Variants in PHLDB2 observed in about 807,000 individuals in gnomAD.
PHLDB2 encodes the protein pleckstrin homology like domain family B member 2, also known as pleckstrin homology-like domain family B member 2.
PHLDB2 carries 71 observed loss-of-function variants against 123.6 expected under a neutral mutation model. The observed-to-expected ratio is 0.57, with a 90% CI of 0.47 to 0.70. The LOEUF is 0.70. PHLDB2 is among the 30% of genes least tolerant of loss of function. The pLI is 0.00. For missense variants in PHLDB2, 1,446 were observed against 1,519.5 expected (o/e 0.95, Z 0.80); for synonymous variants, 547 against 541.6 (o/e 1.01, Z -0.14).
chr3:111,885,646 C>T (rs913917639), intron 2 of PHLDB2: 14 of 700,732 alleles, frequency 2.0e-5, no homozygotes, highest in Admixed American at 4.2e-5. Context: ...AGTTGCTCTG[C>T]GGACTTCTCA....
chr3:111,894,756 G>T (rs1401019029), intron 2 of PHLDB2, among the ~76,000 whole-genome samples: 2 of 151,846 alleles, frequency 1.3e-5, no homozygotes, highest in Non-Finnish European at 2.9e-5. Flanking sequence ...TTTTGATAGG[G>T]TTGTTTTTTT....
At chr3:111,736,790 T>C (rs764592832) in intron 1 of PHLDB2, among the ~76,000 whole-genome samples, 1 of 152,174 alleles carries the variant, frequency 6.6e-6, no homozygotes, top group Non-Finnish European at 1.5e-5. Context: ...TGAAAATAAA[T>C]ACATTAATTG....
chr3:111,969,750 G>A lies in PHLDB2; in HGVS notation c.3376G>A (p.Val1126Ile), dbSNP rs1366950099. 2 of 1,614,066 alleles carry A rather than the reference G, an allele frequency of 1.2e-6. No homozygotes were observed. The highest frequency in any genetic ancestry group is 4.5e-5 in the East Asian group (2 of 44,882). ...GGAAGACTTTGATTTGCGGAGCCAT[G>A]TAGAGACTGCTGGCCACAATATTGA... is the stretch of plus-strand genomic sequence containing the variant. ...RKEDFDLRSH[V>I]ETAGHNIDTC... The change falls in exon 16 of 18, where the codon GTA (valine) becomes ATA (isoleucine). Residue 1126 changes from valine to isoleucine, a missense_variant. Coordinates refer to ENST00000431670, the MANE Select transcript of PHLDB2 (RefSeq NM_001134438.2).
chr3:111,812,728 G>A (rs1384648532), intron 1 of PHLDB2, among the ~76,000 whole-genome samples: 2 of 152,160 alleles, frequency 1.3e-5, no homozygotes, highest in African/African-American at 4.8e-5. Flanking sequence ...AATACCACTA[G>A]CCTTTGACTT....
chr3:111,813,031 G>T (rs568211460), intron 1 of PHLDB2, among the ~76,000 whole-genome samples: 3 of 152,138 alleles, frequency 2.0e-5, no homozygotes, highest in Admixed American at 2.0e-4. Flanking sequence ...AGAGACCAAG[G>T]CTTCAATAAT....
chr3:111,781,039 A>G (rs2060454567), intron 1 of PHLDB2, among the ~76,000 whole-genome samples: 1 of 152,030 alleles, frequency 6.6e-6, no homozygotes, highest in Non-Finnish European at 1.5e-5. Context: ...AGTTACTTAG[A>G]ATGTTTTCTT....
chr3:111,949,768 C>T (rs1269243727), intron 10 of PHLDB2: 1 of 985,598 alleles, frequency 1.0e-6, no homozygotes, highest in Admixed American at 6.1e-5. Context: ...TATCACTCAA[C>T]ATACATCAGC....
At chr3:111,827,685 C>CG (rs2062731896) in intron 1 of PHLDB2, among the ~76,000 whole-genome samples, 5 of 73,172 alleles carry the variant, frequency 6.8e-5, no homozygotes, top group African/African-American at 2.1e-4. Flanking sequence ...GAATCCGTCT[C>CG]AAAAAAAAAA....
intron 1 of PHLDB2, among the ~76,000 whole-genome samples, chr3:111,845,378 A>C (rs1313268749): frequency 6.7e-6 from 1 of 150,154 alleles, no homozygotes; most frequent in South Asian, 2.1e-4. Context: ...AAAAAAAAAA[A>C]AAAAAAACTA....
intron 6 of PHLDB2, among the ~76,000 whole-genome samples, chr3:111,938,886 G>A (rs1159806035): frequency 1.3e-5 from 2 of 151,906 alleles, no homozygotes; most frequent in Non-Finnish European, 2.9e-5. Context: ...CACAATCTCG[G>A]CTCACTGCAA....
chr3:111,952,562 G>C lies in PHLDB2; in HGVS notation c.2632-10G>C, dbSNP rs2070781142. On this transcript the variant is annotated splice_polypyrimidine_tract_variant and intron_variant, in intron 10 of 17. Coordinates refer to ENST00000431670, the MANE Select transcript of PHLDB2 (RefSeq NM_001134438.2). ...AGTTTTGCTATTTTGCTTTGCATTTGCATTTAAAGCACTTTAGAAGTCTGG... is the reference window on the plus strand; with the variant it reads ...AGTTTTGCTATTTTGCTTTGCATTTCCATTTAAAGCACTTTAGAAGTCTGG... 2 of 1,604,122 alleles carry C rather than the reference G, an allele frequency of 1.2e-6. No homozygotes were observed. Among genetic ancestry groups the C allele is most frequent in the Middle Eastern group, 1.7e-4 (1 of 6,010 alleles).
At chr3:111,870,049 T>A (rs761789628) in intron 1 of PHLDB2, among the ~76,000 whole-genome samples, 4 of 152,182 alleles carry the variant, frequency 2.6e-5, no homozygotes, top group Non-Finnish European at 4.4e-5. Context: ...ACTAACAGGC[T>A]TTTTTCTCTC....
In PHLDB2 at chr3:111,975,259, T is replaced by C. The variant is rs1235446164; in HGVS notation, c.*696T>C. On this transcript the variant is annotated 3_prime_UTR_variant, in exon 18 of 18. Transcript: ENST00000431670. ...GCTACTATATATGTATATATATATG[T>C]AGTAAACCACTTTTTGTAAAAGAAG... The C allele has an allele frequency of 6.6e-6, 1 of 152,208 alleles. No homozygotes were observed. Among genetic ancestry groups the C allele is most frequent in the African/African-American group, 2.4e-5 (1 of 41,448 alleles). The allele number at this position is 152,208 out of a possible 1,614,324, so 9.4% of individuals were successfully genotyped here. A position where few individuals can be genotyped will look rare whatever the true frequency, so the allele number is the denominator to read the frequency against.
chr3:111,742,993 T>C (rs1301300187), intron 1 of PHLDB2, among the ~76,000 whole-genome samples: 1 of 152,164 alleles, frequency 6.6e-6, no homozygotes, highest in East Asian at 1.9e-4. Context: ...CACAGTATCA[T>C]ATGTAGTCAT....
chr3:111,733,106 G>A (rs1431629354), intron 1 of PHLDB2, among the ~76,000 whole-genome samples: 1 of 152,138 alleles, frequency 6.6e-6, no homozygotes, highest in South Asian at 2.1e-4. Context: ...ATATACTGTA[G>A]TATATGGTAT....
Position 111,940,621 on chromosome 3 carries a change from TA to T in PHLDB2, c.2375del (p.Asn792IlefsTer2). ...AAGATCATTTTGTGAAAGAAAAGAA[TA>T]ATTTAATAATGATGTTGCAAAGAGT... Reference protein sequence around the residue: ...EQDHFVKEKNNLIMMLQREKE... With the variant: ...EQDHFVKEKNXLIMMLQREKE... On this transcript the variant is annotated frameshift_variant, in exon 8 of 18. Coordinates refer to ENST00000431670, the MANE Select transcript of PHLDB2 (RefSeq NM_001134438.2). LOFTEE classifies it high-confidence loss of function. The T allele has an allele frequency of 6.3e-7, 1 of 1,596,534 alleles. No individual in the cohort carries two copies.
intron 2 of PHLDB2, among the ~76,000 whole-genome samples, chr3:111,902,075 A>AT (rs1182804592): frequency 2.6e-5 from 4 of 152,154 alleles, no homozygotes; most frequent in Non-Finnish European, 5.9e-5. Flanking sequence ...TAACCCACCC[A>AT]TCTGCTGGTT....
At chr3:111,880,959 CT>C (rs938708968) in intron 1 of PHLDB2, among the ~76,000 whole-genome samples, 1 of 152,118 alleles carries the variant, frequency 6.6e-6, no homozygotes, top group Non-Finnish European at 1.5e-5. Flanking sequence ...AATTATCCAG[CT>C]TTAGATTCCT....
intron 1 of PHLDB2, among the ~76,000 whole-genome samples, chr3:111,737,432 T>C (rs1337337543): frequency 6.6e-6 from 1 of 152,040 alleles, no homozygotes; most frequent in African/African-American, 2.4e-5. Context: ...TCAAGCAGAG[T>C]GAATGAAACT....
Sources: allele counts gnomAD v4.1 joint callset (sites outside exome capture counted in the v4.1 genomes callset), GRCh38; gene constraint gnomAD v4.1.1; transcripts MANE v1.5; gene names NCBI Gene and HGNC (gene_info 2026-07-23, HGNC 2026-07-21).